Variants in ANTXR1 observed in about 807,000 individuals in gnomAD.
ANTXR1 encodes anthrax toxin receptor 1.
A neutral mutation model predicts 78.1 loss-of-function variants in ANTXR1; 19 were observed. That is an observed-to-expected ratio of 0.24 (90% CI 0.17 to 0.36). ANTXR1 has a LOEUF of 0.36. Ranked by LOEUF, ANTXR1 falls within the 10% of genes least tolerant of loss-of-function variation. The pLI, the probability that ANTXR1 is intolerant of heterozygous loss-of-function variation, is 1.00. For synonymous variants in ANTXR1, 273 were observed against 260.5 expected (o/e 1.05, Z -0.46); for missense variants, 518 against 718.6 (o/e 0.72, Z 3.19).
intron 5 of ANTXR1, among the ~76,000 whole-genome samples, chr2:69,072,292 G>A (rs1378783526): frequency 6.6e-6 from 1 of 152,088 alleles, no homozygotes; most frequent in Admixed American, 6.5e-5. Flanking sequence ...TATTATTTTA[G>A]CTATTATTAC....
chr2:69,201,311 C>T lies in ANTXR1; in HGVS notation c.1434+7896C>T, dbSNP rs117790163. Among the ~76,000 whole-genome samples the T allele has an allele frequency of 3.6e-4, 55 of 152,256 alleles. No individual in the cohort carries two copies. In the East Asian group the frequency reaches 8.9e-3, roughly 25 times the overall value. ...GTAGAATATTCTAGTGACAGGGAAG[C>T]TTGCATACAGATCTGCAGGTGAGAC... On this transcript the variant is annotated intron_variant, in intron 17 of 17. Transcript: ENST00000303714.
chr2:69,132,649 A>C (rs1267262585), intron 12 of ANTXR1, among the ~76,000 whole-genome samples: 1 of 152,240 alleles, frequency 6.6e-6, no homozygotes, highest in Non-Finnish European at 1.5e-5. Context: ...TTCTTTTCCA[A>C]GGTCAGCAAA....
At chr2:69,186,211 C>T (rs1674412368) in intron 16 of ANTXR1, among the ~76,000 whole-genome samples, 1 of 152,190 alleles carries the variant, frequency 6.6e-6, no homozygotes, top group East Asian at 1.9e-4. Context: ...TGCCATCTCT[C>T]TGAGGAGAGA....
chr2:69,204,824 T>C (rs1674858097), intron 17 of ANTXR1, among the ~76,000 whole-genome samples: 1 of 152,180 alleles, frequency 6.6e-6, no homozygotes, highest in Admixed American at 6.5e-5. Context: ...CAAGATGACA[T>C]ACCCATTGAT....
intron 6 of ANTXR1, 82 bp from the exon 7 acceptor site, chr2:69,075,508 C>A: frequency 7.6e-7 from 1 of 1,320,588 alleles, no homozygotes; most frequent in Non-Finnish European, 1.1e-6. Context: ...AATACCTCAT[C>A]ATTGAAGTTA....
In ANTXR1 at chr2:69,096,354, G is replaced by C. The variant is rs796119300; in HGVS notation, c.703+5435G>C. On this transcript the variant is annotated intron_variant, in intron 9 of 17. Coordinates refer to ENST00000303714, the MANE Select transcript of ANTXR1 (RefSeq NM_032208.3). Reference sequence around the variant, plus strand: ...GGAGGAAGGGAGGAAGGGAGGAAGGGAGGAAGGGAGGAAGGGAGGAAGGAG... The same window carrying C: ...GGAGGAAGGGAGGAAGGGAGGAAGGCAGGAAGGGAGGAAGGGAGGAAGGAG... Among the ~76,000 whole-genome samples the C allele has an allele frequency of 1.3e-3, 43 of 32,600 alleles. 11 individuals carry two copies. Among genetic ancestry groups the C allele is most frequent in the South Asian group, 9.2e-3 (9 of 974 alleles). 21.4% of individuals were successfully genotyped at this position (32,600 alleles called of 152,430 possible).
rs776934157 is a variant in ANTXR1 at position 69,029,199 on chromosome 2, G to A, written c.153-10845G>A. On this transcript the variant is annotated intron_variant, in intron 1 of 17. Coordinates refer to ENST00000303714, the MANE Select transcript of ANTXR1 (RefSeq NM_032208.3). ...AGCCAAGTTCACACCACTACACTTC[G>A]GCCAGGGCAACAGAGCAAGACCCTG... 9.2e-5 allele frequency among the ~76,000 whole-genome samples: 14 copies of A among 151,568 alleles called. 1 individual carries two copies. The Middle Eastern group carries it at 0.024, about 260-fold the overall frequency.
intron 12 of ANTXR1, chr2:69,146,305 C>G (rs1056371557): frequency 6.1e-6 from 6 of 985,164 alleles, no homozygotes; most frequent in Non-Finnish European, 7.2e-6. Flanking sequence ...TCTGAGAACT[C>G]CCCCCACCAC....
chr2:69,221,064 G>A (rs1321352826), intron 17 of ANTXR1, among the ~76,000 whole-genome samples: 1 of 152,174 alleles, frequency 6.6e-6, no homozygotes, highest in Non-Finnish European at 1.5e-5. Flanking sequence ...TTGAGAAGTG[G>A]AAACATATGG....
At chr2:69,109,354 G>T (rs972503495) in intron 10 of ANTXR1, among the ~76,000 whole-genome samples, 3 of 152,134 alleles carry the variant, frequency 2.0e-5, no homozygotes, top group African/African-American at 7.2e-5. Flanking sequence ...ATTCCAAGGG[G>T]ACTTTTTAAG....
At chr2:69,085,339 A>T (rs982006211) in intron 8 of ANTXR1, among the ~76,000 whole-genome samples, 1 of 151,068 alleles carries the variant, frequency 6.6e-6, no homozygotes, top group Admixed American at 6.6e-5. Flanking sequence ...TGCCTACAAC[A>T]TTTTTTTTTA....
intron 8 of ANTXR1, among the ~76,000 whole-genome samples, chr2:69,086,070 C>T (rs1573858973): frequency 1.3e-5 from 2 of 152,288 alleles, no homozygotes; most frequent in Admixed American, 6.5e-5. Flanking sequence ...ACACCTATAC[C>T]ATCAAGGGAT....
chr2:69,241,758 A>G (rs1176454835), intron 17 of ANTXR1, among the ~76,000 whole-genome samples: 4 of 152,216 alleles, frequency 2.6e-5, no homozygotes, highest in Non-Finnish European at 5.9e-5. Flanking sequence ...ACCACCTCCA[A>G]CTGGCCTTTC....
chr2:69,237,183 C>T (rs1205608178), intron 17 of ANTXR1, among the ~76,000 whole-genome samples: 1 of 152,170 alleles, frequency 6.6e-6, no homozygotes, highest in Non-Finnish European at 1.5e-5. Flanking sequence ...TTCCTGTGTG[C>T]TTTCATCTTA....
chr2:69,117,507 C>A (rs965397318), intron 10 of ANTXR1, among the ~76,000 whole-genome samples: 1 of 152,092 alleles, frequency 6.6e-6, no homozygotes, highest in African/African-American at 2.4e-5. Flanking sequence ...TGTATCTATA[C>A]ACACACACAA....
intron 13 of ANTXR1, among the ~76,000 whole-genome samples, chr2:69,163,886 T>A (rs1334053072): frequency 6.6e-6 from 1 of 152,210 alleles, no homozygotes; most frequent in African/African-American, 2.4e-5. Flanking sequence ...TAATGTTATA[T>A]GAAGTTGACT....
At chr2:69,207,366 T>G (rs1346532372) in intron 17 of ANTXR1, among the ~76,000 whole-genome samples, 1 of 152,156 alleles carries the variant, frequency 6.6e-6, no homozygotes, top group African/African-American at 2.4e-5. Flanking sequence ...TGTTCCCCCA[T>G]GAAAAAACGC....
At chr2:69,097,441 T>G (rs778202135) in intron 9 of ANTXR1, among the ~76,000 whole-genome samples, 7 of 152,232 alleles carry the variant, frequency 4.6e-5, no homozygotes, top group Non-Finnish European at 1.0e-4. Flanking sequence ...ATGTTTACCA[T>G]TTGGAAATTT....
At chr2:69,196,059 A>T (rs1429864625) in intron 17 of ANTXR1, among the ~76,000 whole-genome samples, 1 of 152,234 alleles carries the variant, frequency 6.6e-6, no homozygotes, top group Non-Finnish European at 1.5e-5. Context: ...TGGTTATATA[A>T]ATCCAAGAAC....
Sources: allele counts gnomAD v4.1 joint callset (sites outside exome capture counted in the v4.1 genomes callset), GRCh38; gene constraint gnomAD v4.1.1; transcripts MANE v1.5; gene names NCBI Gene and HGNC (gene_info 2026-07-23, HGNC 2026-07-21).